Variants in PGAP1 observed in about 807,000 individuals in gnomAD.
PGAP1 encodes post-GPI attachment to proteins inositol deacylase 1.
In PGAP1, 76 loss-of-function variants were observed where a neutral mutation model predicts 127.0. The ratio of observed to expected loss-of-function variants is 0.60; its 90% confidence interval spans 0.50 to 0.72. The LOEUF is 0.72. Among genes scored for constraint, PGAP1 ranks in the 30% least tolerant of loss-of-function variants. PGAP1 has a pLI of 0.00. For missense variants in PGAP1, 982 were observed against 1,071.3 expected (o/e 0.92, Z 1.16); for synonymous variants, 362 against 366.5 (o/e 0.99, Z 0.14).
intron 20 of PGAP1, among the ~76,000 whole-genome samples, chr2:196,860,611 G>A (rs1489116810): frequency 6.6e-6 from 1 of 151,932 alleles, no homozygotes; most frequent in African/African-American, 2.4e-5. Flanking sequence ...ATTATATCTA[G>A]GAATAAATGT....
chr2:196,879,880 G>A (rs913391204), intron 13 of PGAP1, among the ~76,000 whole-genome samples, 196 bp downstream of exon 13: 3 of 152,032 alleles, frequency 2.0e-5, no homozygotes, highest in Non-Finnish European at 4.4e-5. Context: ...GTTCTCACTT[G>A]GAACAAAGAA....
chr2:196,867,705 AT>A (rs1029693370), intron 19 of PGAP1, among the ~76,000 whole-genome samples: 1 of 152,172 alleles, frequency 6.6e-6, no homozygotes, highest in Non-Finnish European at 1.5e-5. Flanking sequence ...ATTCCACAGA[AT>A]TTTTTTAGAA....
chr2:196,849,977 T>C (rs749516280), intron 20 of PGAP1, among the ~76,000 whole-genome samples: 10 of 152,198 alleles, frequency 6.6e-5, no homozygotes, highest in Non-Finnish European at 1.5e-4. Context: ...CTGACTTTTA[T>C]AGACTGGCTT....
chr2:196,855,599 T>C (rs1433230489), intron 20 of PGAP1, among the ~76,000 whole-genome samples: 1 of 152,184 alleles, frequency 6.6e-6, no homozygotes, highest in African/African-American at 2.4e-5. Flanking sequence ...ATGTTGGTTC[T>C]TCACTTAAAG....
intron 9 of PGAP1, among the ~76,000 whole-genome samples, chr2:196,891,672 C>A (rs1210069361): frequency 6.6e-6 from 1 of 151,992 alleles, no homozygotes; most frequent in Non-Finnish European, 1.5e-5. Flanking sequence ...ATTTATTCTA[C>A]TTTTGATAAA....
rs1164879207 is a variant in PGAP1, at chr2:196,839,616, A to T, written c.*1618T>A. The T allele has an allele frequency of 6.6e-6, 1 of 152,226 alleles. No individual in the cohort carries two copies. Among genetic ancestry groups the T allele is most frequent in the East Asian group, 1.9e-4 (1 of 5,198 alleles). The allele number at this position is 152,226 out of a possible 1,614,324, so 9.4% of individuals were successfully genotyped here. ...CTAGAAAAGACAACAATGGGATCAA[A>T]CAAACTTAAAACCCTCAGAGATGAG... On this transcript the variant is annotated 3_prime_UTR_variant, in exon 27 of 27. Coordinates refer to ENST00000354764, the MANE Select transcript of PGAP1 (RefSeq NM_024989.4).
chr2:196,892,195 T>A, intron 9 of PGAP1, 151 bp downstream of exon 9: 1 of 502,668 alleles, frequency 2.0e-6, no homozygotes, highest in South Asian at 4.0e-5. Flanking sequence ...ATAAAACTGA[T>A]TACTGACTAG....
intron 1 of PGAP1, among the ~76,000 whole-genome samples, chr2:196,924,035 A>G (rs1703294897): frequency 6.6e-6 from 1 of 152,254 alleles, no homozygotes. Context: ...GGTTCGTGAG[A>G]TGTTCAATTA....
intron 23 of PGAP1, among the ~76,000 whole-genome samples, chr2:196,845,129 A>T (rs1405200500): frequency 1.3e-5 from 2 of 152,006 alleles, no homozygotes; most frequent in African/African-American, 4.8e-5. Flanking sequence ...GAATTACCTA[A>T]TTTAAAAAAT....
At chr2:196,896,828 TAAAAAA>T (rs566717804) in intron 7 of PGAP1, among the ~76,000 whole-genome samples, 67 of 90,600 alleles carry the variant, frequency 7.4e-4, no homozygotes, top group Non-Finnish European at 1.0e-3. Context: ...GACTCCATCT[TAAAAAA>T]AAAAAAAAAA....
At position 196,875,817 on chromosome 2, in the gene PGAP1, A is replaced by G. The variant is rs1479215648; in HGVS notation, c.1355T>C (p.Val452Ala). 7 of 1,416,924 alleles carry G rather than the reference A, an allele frequency of 4.9e-6. No individual in the cohort carries two copies. Among genetic ancestry groups the G allele is most frequent in the Non-Finnish European group, 6.9e-6 (7 of 1,009,180 alleles). The allele number at this position is 1,416,924 out of a possible 1,614,324, so 87.8% of individuals were successfully genotyped here. ...TTTTTTAAAGAATTCACAATCTACA[A>G]CAAACTGAAATATAAAACATTGATT... is the stretch of plus-strand genomic sequence containing the variant. ...YVPSVRGSKF[V>A]VDCEFFKKEK... The change falls in exon 14 of 27, where the codon GTT becomes GCT. Residue 452 changes from valine to alanine, a missense_variant. Transcript: ENST00000354764.
Position 196,834,518 on chromosome 2 carries a change from A to G in PGAP1, c.*6716T>C, listed in dbSNP as rs1003507744. 7 of 152,420 alleles carry G rather than the reference A, an allele frequency of 4.6e-5. No individual in the cohort carries two copies. In the East Asian group the frequency reaches 5.8e-4, roughly 13 times the overall value. 9.4% of individuals were successfully genotyped at this position (152,420 alleles called of 1,614,324 possible). A position where few individuals can be genotyped will look rare whatever the true frequency, so the allele number is the denominator to read the frequency against. ...AGGTCACAGTGATGATATATATTCA[A>G]TTTTGGTCTGGTTTCTCATGGGTAT... is the stretch of plus-strand genomic sequence containing the variant. On this transcript the variant is annotated 3_prime_UTR_variant, in exon 27 of 27. Coordinates refer to ENST00000354764, the MANE Select transcript of PGAP1 (RefSeq NM_024989.4).
chr2:196,916,464 G>T lies in PGAP1; in HGVS notation c.431C>A (p.Thr144Asn). The T allele has an allele frequency of 6.2e-7, 1 of 1,613,188 alleles. No individual in the cohort carries two copies. The highest frequency in any genetic ancestry group is 8.5e-7 in the Non-Finnish European group (1 of 1,179,658). ...ALYGGSLQKQ[T>N]KFVHECIKTI... Reference sequence around the variant, plus strand: ...TTTAATACATTCATGTACAAACTTGGTCTGCTTCTGAAGACTTCCACCATA... The same window carrying T: ...TTTAATACATTCATGTACAAACTTGTTCTGCTTCTGAAGACTTCCACCATA... Residue 144 changes from threonine to asparagine, a missense_variant, in exon 3 of 27, where the codon ACC (threonine) becomes AAC (asparagine). Coordinates refer to ENST00000354764, the MANE Select transcript of PGAP1 (RefSeq NM_024989.4).
Position 196,837,845 on chromosome 2 carries a change from C to G in PGAP1, c.*3389G>C, listed in dbSNP as rs1700278980. On this transcript the variant is annotated 3_prime_UTR_variant, in exon 27 of 27. Transcript: ENST00000354764. The stretch of plus-strand genomic sequence containing the variant: ...AGAAGGGGTATTCCATTATATAGAT[C>G]TGAATTTGTCTAGCCAAAATATGAA... 1 of 152,020 alleles carries G rather than the reference C, an allele frequency of 6.6e-6. No individual in the cohort carries two copies. 9.4% of individuals were successfully genotyped at this position (152,020 alleles called of 1,614,324 possible). A position where few individuals can be genotyped will look rare whatever the true frequency, so the allele number is the denominator to read the frequency against.
chr2:196,924,729 A>G (rs895572806), intron 1 of PGAP1, among the ~76,000 whole-genome samples: 1 of 152,164 alleles, frequency 6.6e-6, no homozygotes, highest in Non-Finnish European at 1.5e-5. Flanking sequence ...AAACCCAAAG[A>G]GCTCTTTACC....
intron 20 of PGAP1, among the ~76,000 whole-genome samples, chr2:196,864,390 CA>C (rs752788293): frequency 0.01 from 330 of 32,394 alleles, no homozygotes; most frequent in African/African-American, 0.022. Context: ...AACTACGTCT[CA>C]AAAAAAAAAA....
chr2:196,877,856 A>G (rs1197234172), intron 13 of PGAP1, among the ~76,000 whole-genome samples: 2 of 152,182 alleles, frequency 1.3e-5, no homozygotes, highest in Admixed American at 6.5e-5. Context: ...AATAAAACCT[A>G]TCTGTTCATT....
Position 196,898,337 on chromosome 2 carries a change from T to C in PGAP1, c.840A>G (p.Thr280=), listed in dbSNP as rs1420790089. 6.2e-7 allele frequency: 1 copy of C among 1,611,058 alleles called. No homozygotes were observed. The highest frequency in any genetic ancestry group is 8.5e-7 in the Non-Finnish European group (1 of 1,177,976). The change falls in exon 6 of 27, where the codon ACA becomes ACG. Residue 280 remains threonine (T), a synonymous_variant. Coordinates refer to ENST00000354764, the MANE Select transcript of PGAP1 (RefSeq NM_024989.4). ...CTTACCACACAATGGAGAGGTGGTC[T>C]GTTGAGACCCAGGTCTTAGGCACTG... ...SSAVPKTWVS[T]DHLSIVWCKQ...
At chr2:196,914,619 CAAACA>C (rs74337641) in intron 3 of PGAP1, among the ~76,000 whole-genome samples, 21,205 of 144,238 alleles carry the variant, frequency 0.15, 1,664 homozygotes, top group African/African-American at 0.2. Context: ...GACCCTGTCT[CAAACA>C]AAACAAAACA....
Sources: allele counts gnomAD v4.1 joint callset (sites outside exome capture counted in the v4.1 genomes callset), GRCh38; gene constraint gnomAD v4.1.1; transcripts MANE v1.5; gene names NCBI Gene and HGNC (gene_info 2026-07-23, HGNC 2026-07-21).